PLCXD3: variants seen among roughly 807,000 people sequenced by gnomAD.
PLCXD3 encodes the protein phosphatidylinositol specific phospholipase C X domain containing 3.
PLCXD3 carries 19 observed loss-of-function variants against 25.5 expected under a neutral mutation model. The ratio of observed to expected loss-of-function variants is 0.75; its 90% CI spans 0.52 to 1.09. The LOEUF (loss-of-function observed/expected upper bound fraction) is 1.09. Among genes scored for constraint, PLCXD3 ranks in the 50% least tolerant of loss-of-function variants. The pLI is 0.00. For synonymous variants in PLCXD3, 174 were observed against 137.6 expected (o/e 1.26, Z -1.85); for missense variants, 411 against 388.1 (o/e 1.06, Z -0.50).
chr5:41,374,746 G>A (rs563805870), intron 2 of PLCXD3, among the ~76,000 whole-genome samples: 48 of 152,232 alleles, frequency 3.2e-4, no homozygotes, highest in African/African-American at 1.0e-3. Context: ...TGAGGAGATC[G>A]CTTTCCCTCT....
intron 1 of PLCXD3, among the ~76,000 whole-genome samples, chr5:41,472,338 G>T (rs1327578547): frequency 6.6e-6 from 1 of 152,086 alleles, no homozygotes; most frequent in Non-Finnish European, 1.5e-5. Context: ...TGGACCATTT[G>T]GAGAGTATGG....
At chr5:41,502,172 CTT>C (rs1389122750) in intron 1 of PLCXD3, among the ~76,000 whole-genome samples, 5 of 152,014 alleles carry the variant, frequency 3.3e-5, no homozygotes, top group Admixed American at 2.6e-4. Flanking sequence ...AGTGGAAAAA[CTT>C]AGCTTATGTA....
Position 41,345,683 on chromosome 5 carries a change from T to TACACAC in PLCXD3, c.813-31919_813-31914dup, listed in dbSNP as rs57657516. 3.9e-3 allele frequency among the ~76,000 whole-genome samples: 567 copies of TACACAC among 146,144 alleles called. 6 individuals are homozygous for TACACAC. Among genetic ancestry groups the TACACAC allele is most frequent in the African/African-American group, 0.011 (455 of 40,004 alleles). The stretch of plus-strand genomic sequence containing the variant: ...CTCCAAATTTATACATACATATGTG[T>TACACAC]ACACACACACACACACACACACACA... On this transcript the variant is annotated intron_variant, in intron 2 of 2. Transcript: ENST00000377801.
intron 1 of PLCXD3, among the ~76,000 whole-genome samples, chr5:41,497,376 G>A (rs1220336263): frequency 6.6e-6 from 1 of 151,746 alleles, no homozygotes; most frequent in Non-Finnish European, 1.5e-5. Flanking sequence ...AGAATGGAAT[G>A]GCCATATTTA....
chr5:41,325,124 C>A (rs1743589144), intron 2 of PLCXD3, among the ~76,000 whole-genome samples: 1 of 152,028 alleles, frequency 6.6e-6, no homozygotes, highest in Admixed American at 6.6e-5. Context: ...TTTTTGTTTC[C>A]CCATAAAATA....
chr5:41,448,625 CCTTT>C (rs1349332670), intron 1 of PLCXD3, among the ~76,000 whole-genome samples: 1 of 152,154 alleles, frequency 6.6e-6, no homozygotes, highest in Non-Finnish European at 1.5e-5. Context: ...ACTCAATTCT[CCTTT>C]CTAACTTTCC....
intron 1 of PLCXD3, among the ~76,000 whole-genome samples, chr5:41,431,344 T>C (rs899082979): frequency 6.6e-6 from 1 of 152,158 alleles, no homozygotes. Flanking sequence ...ATGCTAAGGG[T>C]TTGCAAAGTT....
chr5:41,358,126 T>C (rs1744670839), intron 2 of PLCXD3, among the ~76,000 whole-genome samples: 1 of 152,188 alleles, frequency 6.6e-6, no homozygotes, highest in Non-Finnish European at 1.5e-5. Context: ...CTTGTATGAT[T>C]GTTACTTTAT....
rs149039257 is a variant in PLCXD3 at position 41,375,800 on chromosome 5, A to G, written c.812+6026T>C. 7.9e-3 allele frequency among the ~76,000 whole-genome samples: 1,208 copies of G among 152,278 alleles called. 19 individuals are homozygous for G. The highest frequency in any genetic ancestry group is 0.011 in the Non-Finnish European group (760 of 67,996). ...TATTAAATGCAGCCAGTGCTAAGCA[A>G]TATTAATTTTACCTAATCTGCAACA... On this transcript the variant is annotated intron_variant, in intron 2 of 2. Coordinates refer to ENST00000377801, the MANE Select transcript of PLCXD3 (RefSeq NM_001005473.3).
chr5:41,508,999 A>C (rs1738952831), intron 1 of PLCXD3, among the ~76,000 whole-genome samples: 1 of 152,148 alleles, frequency 6.6e-6, no homozygotes, highest in African/African-American at 2.4e-5. Flanking sequence ...GAAGGACGAA[A>C]GGAGACAGCC....
chr5:41,326,421 G>A (rs1743628533), intron 2 of PLCXD3, among the ~76,000 whole-genome samples: 1 of 152,086 alleles, frequency 6.6e-6, no homozygotes, highest in Admixed American at 6.6e-5. Flanking sequence ...TCACCTGCAA[G>A]ATATACCCAA....
chr5:41,457,060 G>C (rs1470813371), intron 1 of PLCXD3, among the ~76,000 whole-genome samples: 1 of 151,890 alleles, frequency 6.6e-6, no homozygotes, highest in African/African-American at 2.4e-5. Flanking sequence ...AGTCAATGGG[G>C]CATAAGAGCT....
Position 41,491,330 on chromosome 5 carries a change from T to C in PLCXD3, c.103+19094A>G, listed in dbSNP as rs534579661. On this transcript the variant is annotated intron_variant, in intron 1 of 2. Coordinates refer to ENST00000377801, the MANE Select transcript of PLCXD3 (RefSeq NM_001005473.3). ...GTTATAATTTCTGATCTTTTACATTTGCTGAGGAGAGCTTTACTTCCAACT... is the reference window on the plus strand; with the variant it reads ...GTTATAATTTCTGATCTTTTACATTCGCTGAGGAGAGCTTTACTTCCAACT... Among the ~76,000 whole-genome samples, 3 of 152,358 alleles carry C rather than the reference T, an allele frequency of 2.0e-5. No homozygotes were observed. The South Asian group carries it at 6.2e-4, about 32-fold the overall frequency.
At chr5:41,403,401 G>GTTTGTTTTTGTTTTT (rs1554047951) in intron 1 of PLCXD3, among the ~76,000 whole-genome samples, 2 of 18,392 alleles carry the variant, frequency 1.1e-4, no homozygotes, top group African/African-American at 1.8e-4. Context: ...CTTATTTGTT[G>GTTTGTTTTTGTTTTT]TTTTTTTTTT....
intron 1 of PLCXD3, among the ~76,000 whole-genome samples, chr5:41,426,844 A>AT (rs1164581531): frequency 6.6e-6 from 1 of 151,836 alleles, no homozygotes; most frequent in Non-Finnish European, 1.5e-5. Flanking sequence ...CTCAGTTTTT[A>AT]TTTTTTCTGA....
chr5:41,488,069 C>A (rs1475058676), intron 1 of PLCXD3, among the ~76,000 whole-genome samples: 2 of 112,512 alleles, frequency 1.8e-5, no homozygotes, highest in South Asian at 3.9e-4. Flanking sequence ...CCTCCCCCCT[C>A]CCCCCTCCCC....
intron 1 of PLCXD3, among the ~76,000 whole-genome samples, chr5:41,481,063 A>G (rs1292403382): frequency 6.8e-6 from 1 of 147,316 alleles, no homozygotes; most frequent in Non-Finnish European, 1.5e-5. Context: ...ATAATTGTCA[A>G]TGGAGAGAGT....
chr5:41,502,756 GT>G (rs1377016819), intron 1 of PLCXD3, among the ~76,000 whole-genome samples: 1 of 152,092 alleles, frequency 6.6e-6, no homozygotes, highest in Non-Finnish European at 1.5e-5. Context: ...AGAAAGTTGA[GT>G]TTAACTGAAT....
intron 1 of PLCXD3, among the ~76,000 whole-genome samples, chr5:41,407,658 A>T (rs185845278): frequency 6.5e-4 from 99 of 152,362 alleles, no homozygotes; most frequent in Middle Eastern, 3.4e-3. Context: ...GACTTCTAGA[A>T]TTGAACAGAT....
Sources: gnomAD v4.1 joint callset for allele counts (sites outside exome capture counted in the v4.1 genomes callset) on GRCh38, gnomAD v4.1.1 for gene constraint, MANE v1.5 for transcripts, NCBI Gene and HGNC (gene_info 2026-07-23, HGNC 2026-07-21) for gene names.